The following SURF4 variants were observed in gnomAD, a reference collection of about 807,000 sequenced individuals.
SURF4 encodes the protein surfeit 4.
In SURF4, 3 loss-of-function variants were observed where a neutral mutation model predicts 30.0. The observed-to-expected ratio is 0.10, with a 90% confidence interval of 0.05 to 0.26. The LOEUF (loss-of-function observed/expected upper bound fraction) is 0.26. Ranked by LOEUF, SURF4 falls within the 10% of genes least tolerant of loss-of-function variation. The pLI is 1.00. For synonymous variants in SURF4, 143 were observed against 139.9 expected (o/e 1.02, Z -0.16); for missense variants, 217 against 350.8 (o/e 0.62, Z 3.05).
Position 133,376,011 on chromosome 9 carries a change from C to T in SURF4, c.-42G>A. On this transcript the variant is annotated 5_prime_UTR_variant, in exon 1 of 6. Coordinates refer to ENST00000371989, the MANE Select transcript of SURF4 (RefSeq NM_033161.4). ...TCGGCTCGGCTCGCTCGCTCGCTCG[C>T]TGGCTCTCGCCCGTCGGCGCCCGCA... The T allele has an allele frequency of 8.2e-7, 1 of 1,220,490 alleles. No homozygotes were observed. Among genetic ancestry groups the T allele is most frequent in the Non-Finnish European group, 1.0e-6 (1 of 978,990 alleles). 75.6% of individuals were successfully genotyped at this position (1,220,490 alleles called of 1,614,324 possible).
upstream of SURF4, chr9:133,376,196 C>T (rs1362855482): frequency 1.1e-5 from 14 of 1,272,036 alleles, no homozygotes; most frequent in South Asian, 5.6e-5. Context: ...CCCAGCCTCC[C>T]GACCCATCCG....
chr9:133,375,845 G>A (rs906596954), intron 1 of SURF4, 77 bp downstream of exon 1: 1 of 1,203,002 alleles, frequency 8.3e-7, no homozygotes, highest in Admixed American at 4.4e-5. Flanking sequence ...GGCGCCCTGC[G>A]CTGGGAGGCC....
rs2130086235 is a variant in SURF4 at position 133,363,438 on chromosome 9, G to A, written c.*55C>T. The stretch of plus-strand genomic sequence containing the variant: ...CTGGCAGTTTTGTTGAATCCACCCC[G>A]AACCAGTCCTTGACGGCCACGGGTC... On this transcript the variant is annotated 3_prime_UTR_variant, in exon 6 of 6. Coordinates refer to ENST00000371989, the MANE Select transcript of SURF4 (RefSeq NM_033161.4). This position sits in a 1 kb window ranked among gnomAD's most constrained non-coding sequence, Gnocchi z 4.3. The A allele has an allele frequency of 6.2e-6, 10 of 1,614,048 alleles. No individual in the cohort carries two copies. The highest frequency in any genetic ancestry group is 6.8e-6 in the Non-Finnish European group (8 of 1,179,958).
At chr9:133,374,841 A>G (rs1349760396) in intron 1 of SURF4, among the ~76,000 whole-genome samples, 1 of 152,050 alleles carries the variant, frequency 6.6e-6, no homozygotes, top group African/African-American at 2.4e-5. Flanking sequence ...AAGCCTTCCG[A>G]TAAGTCTAGG....
chr9:133,361,949 A>G lies in SURF4; in HGVS notation c.*1544T>C, dbSNP rs1227326967. ...CAGTCTTCATGCAGTGAGCACTTGA[A>G]TGATCACAGGAGAAGAGAACCCATG... On this transcript the variant is annotated 3_prime_UTR_variant, in exon 6 of 6. Transcript: ENST00000371989. The G allele has an allele frequency of 6.6e-6, 1 of 152,214 alleles. No individual in the cohort carries two copies. Among genetic ancestry groups the G allele is most frequent in the Non-Finnish European group, 1.5e-5 (1 of 68,070 alleles). 9.4% of individuals were successfully genotyped at this position (152,214 alleles called of 1,614,324 possible).
rs1837007716 is a variant in SURF4 at position 133,364,041 on chromosome 9, T to A, written c.544-282A>T. 9 of 670,814 alleles carry A rather than the reference T, an allele frequency of 1.3e-5. No individual in the cohort carries two copies. The South Asian group carries it at 1.5e-4, about 11-fold the overall frequency. The allele number at this position is 670,814 out of a possible 1,614,324, so 41.6% of individuals were successfully genotyped here. ...ATGAATCTCTAATCCATAACTAAAT[T>A]CCCAAGTGCTTCTTGGCCCACCCAG... On this transcript the variant is annotated intron_variant, in intron 5 of 5. Coordinates refer to ENST00000371989, the MANE Select transcript of SURF4 (RefSeq NM_033161.4).
chr9:133,364,176 T>G (rs1338041955), intron 5 of SURF4, among the ~76,000 whole-genome samples: 1 of 152,114 alleles, frequency 6.6e-6, no homozygotes, highest in Non-Finnish European at 1.5e-5. Flanking sequence ...CTCTGGAAGC[T>G]CCTGGAGGCC....
intron 4 of SURF4, 77 bp downstream of exon 4, chr9:133,365,908 G>T: frequency 1.4e-6 from 2 of 1,437,756 alleles, no homozygotes; most frequent in Non-Finnish European, 1.9e-6. Context: ...TCCCATTTTG[G>T]AGCATTTCAG....
At chr9:133,373,581 T>G (rs2130209235) in intron 1 of SURF4, among the ~76,000 whole-genome samples, 8,533 of 144,524 alleles carry the variant, frequency 0.059, 334 homozygotes, top group Non-Finnish European at 0.089. Context: ...CCAGCCTGGG[T>G]GACAAAGTAA....
chr9:133,372,803 C>A, intron 1 of SURF4: 1 of 223,310 alleles, frequency 4.5e-6, no homozygotes, highest in Non-Finnish European at 7.5e-6. Flanking sequence ...AAAGCCCCAC[C>A]TGGGCTTGGT....
upstream of SURF4, chr9:133,376,313 T>C: frequency 7.4e-7 from 1 of 1,345,658 alleles, no homozygotes; most frequent in South Asian, 1.8e-5. Context: ...ACGCGTCCCT[T>C]TTAAGGGGGC....
At chr9:133,375,582 G>A (rs1252985535) in intron 1 of SURF4, among the ~76,000 whole-genome samples, 1 of 152,174 alleles carries the variant, frequency 6.6e-6, no homozygotes, top group East Asian at 1.9e-4. Flanking sequence ...CTCCCCGCGA[G>A]CCTCAGACCC....
intron 1 of SURF4, among the ~76,000 whole-genome samples, chr9:133,369,792 G>C (rs2130173148): frequency 4.6e-5 from 7 of 152,360 alleles, no homozygotes; most frequent in Non-Finnish European, 1.0e-4. Context: ...CTCACATCGT[G>C]GCCCAGCTGG....
At chr9:133,365,417 A>G (rs190909321) in intron 4 of SURF4, among the ~76,000 whole-genome samples, 4 of 152,254 alleles carry the variant, frequency 2.6e-5, no homozygotes, top group Admixed American at 2.0e-4. Flanking sequence ...AGTCTCTACT[A>G]TTCTAGGGGC....
At position 133,363,355 on chromosome 9, in the gene SURF4, G is replaced by C. The variant is rs2130084618; in HGVS notation, c.*138C>G. 6 of 1,386,798 alleles carry C rather than the reference G, an allele frequency of 4.3e-6. No homozygotes were observed. Among genetic ancestry groups the C allele is most frequent in the Admixed American group, 3.9e-5 (2 of 51,512 alleles). 85.9% of individuals were successfully genotyped at this position (1,386,798 alleles called of 1,614,324 possible). ...ATTCTCAGGTGTCTCTGCAAATAAA[G>C]TTCTCAAAACATCTGTGCCTTTACC... On this transcript the variant is annotated 3_prime_UTR_variant, in exon 6 of 6. Transcript: ENST00000371989. This position sits in a 1 kb window ranked among gnomAD's most constrained non-coding sequence, Gnocchi z 4.3.
intron 2 of SURF4, 98 bp from the exon 3 acceptor site, chr9:133,366,773 G>T: frequency 8.9e-7 from 1 of 1,125,086 alleles, no homozygotes; most frequent in Non-Finnish European, 1.3e-6. Context: ...TAGGTCCAGA[G>T]GCAGCCAAAC....
chr9:133,365,744 C>G (rs190199199), intron 4 of SURF4, among the ~76,000 whole-genome samples: 1 of 152,290 alleles, frequency 6.6e-6, no homozygotes, highest in Non-Finnish European at 1.5e-5. Context: ...GATTGAGTAT[C>G]CCTAACCTGA....
intron 1 of SURF4, among the ~76,000 whole-genome samples, chr9:133,373,344 A>T (rs1363798713): frequency 6.6e-6 from 1 of 152,196 alleles, no homozygotes; most frequent in Non-Finnish European, 1.5e-5. Context: ...CAGGCATGTA[A>T]TCCCAGAACT....
intron 1 of SURF4, chr9:133,375,367 GGA>G (rs1463165083): frequency 3.0e-6 from 3 of 985,610 alleles, no homozygotes; most frequent in Non-Finnish European, 3.6e-6. Flanking sequence ...AGGGTCAAAG[GGA>G]CCCCAAGAGT....
Sources: allele counts gnomAD v4.1 joint callset (sites outside exome capture counted in the v4.1 genomes callset), GRCh38; gene constraint gnomAD v4.1.1; non-coding constraint Gnocchi (gnomAD v3.1); transcripts MANE v1.5; gene names NCBI Gene and HGNC (gene_info 2026-07-23, HGNC 2026-07-21).